The following SYNE1 variants were observed in gnomAD, a reference collection of about 807,000 sequenced individuals.
SYNE1 encodes spectrin repeat containing nuclear envelope protein 1, also known as nesprin-1.
A neutral mutation model predicts 1,111.0 loss-of-function variants in SYNE1; 616 were observed. The ratio of observed to expected loss-of-function variants is 0.55; its 90% CI spans 0.52 to 0.59. SYNE1 has a LOEUF of 0.59. Ranked by LOEUF, SYNE1 falls within the 20% of genes least tolerant of loss-of-function variation. The pLI, the probability that SYNE1 is intolerant of heterozygous loss-of-function variation, is 0.00. For missense variants in SYNE1, 10,006 were observed against 10,417.0 expected (o/e 0.96, Z 1.72); for synonymous variants, 3,855 against 3,825.8 (o/e 1.01, Z -0.28).
At chr6:152,223,724 T>G (rs2080801712) in intron 117 of SYNE1, among the ~76,000 whole-genome samples, 1 of 152,098 alleles carries the variant, frequency 6.6e-6, no homozygotes, top group Admixed American at 6.5e-5. Flanking sequence ...AAGCTTTGAT[T>G]GGCTGGCCAG....
chr6:152,554,611 C>T (rs188555332), intron 3 of SYNE1, among the ~76,000 whole-genome samples: 44 of 152,270 alleles, frequency 2.9e-4, no homozygotes, highest in African/African-American at 1.0e-3. Flanking sequence ...ACCAACCAAA[C>T]TTGGTTGTAT....
At chr6:152,135,027 A>G in intron 142 of SYNE1, 77 bp downstream of exon 142, 4 of 1,595,194 alleles carry the variant, frequency 2.5e-6, no homozygotes, top group Non-Finnish European at 3.4e-6. Flanking sequence ...AACACTTACC[A>G]CTTATATTCA....
intron 3 of SYNE1, among the ~76,000 whole-genome samples, chr6:152,542,123 G>T (rs541616195): frequency 1.7e-3 from 256 of 152,266 alleles, no homozygotes; most frequent in African/African-American, 5.8e-3. Flanking sequence ...CTCGCCCTTT[G>T]AGGGATGATA....
chr6:152,451,296 A>C, intron 25 of SYNE1, 91 bp from the exon 26 acceptor site: 1 of 1,338,482 alleles, frequency 7.5e-7, no homozygotes, highest in Non-Finnish European at 1.1e-6. Flanking sequence ...AACAAAAACC[A>C]TAACATATTC....
intron 55 of SYNE1, among the ~76,000 whole-genome samples, chr6:152,382,245 C>T (rs977048002): frequency 2.6e-5 from 4 of 151,748 alleles, no homozygotes; most frequent in Admixed American, 2.6e-4. Flanking sequence ...AATATTATTA[C>T]AAAATTATGA....
intron 117 of SYNE1, among the ~76,000 whole-genome samples, chr6:152,223,489 A>ACATG (rs1024810610): frequency 6.6e-6 from 1 of 152,106 alleles, no homozygotes; most frequent in African/African-American, 2.4e-5. Context: ...GCATGGAGGC[A>ACATG]CATGCCGTAA....
chr6:152,378,419 C>A (rs2097334756), intron 56 of SYNE1, among the ~76,000 whole-genome samples: 1 of 152,200 alleles, frequency 6.6e-6, no homozygotes, highest in African/African-American at 2.4e-5. Flanking sequence ...GATTAAGCAT[C>A]ATCCGGGCCT....
At position 152,249,222 on chromosome 6, in the gene SYNE1, T is replaced by C. The variant is rs770470447; in HGVS notation, c.19511A>G (p.Lys6504Arg). ...TGCCAGTTTTTGCAGAATGATGTATTTGTTGTCAGCCAGTGATGTAAACAG... is the reference window on the plus strand; with the variant it reads ...TGCCAGTTTTTGCAGAATGATGTATCTGTTGTCAGCCAGTGATGTAAACAG... ...KVLFTSLADNKYIILQKLANV... is the reference protein window; with the variant it reads ...KVLFTSLADNRYIILQKLANV... The change falls in exon 105 of 146, where the codon AAA (lysine) becomes AGA (arginine). Residue 6504 changes from lysine (K) to arginine (R), a missense_variant. Around this residue, in one of 7 missense-constraint regions of SYNE1, gnomAD observed 2,182 missense variants for 2,287.8 expected, o/e 0.95. Transcript: ENST00000367255. 2 of 1,614,120 alleles carry C rather than the reference T, an allele frequency of 1.2e-6. No individual in the cohort carries two copies. The highest frequency in any genetic ancestry group is 2.2e-5 in the South Asian group (2 of 91,086).
At chr6:152,625,024 C>T (rs2099683087) in intron 3 of SYNE1, among the ~76,000 whole-genome samples, 1 of 152,130 alleles carries the variant, frequency 6.6e-6, no homozygotes, top group African/African-American at 2.4e-5. Flanking sequence ...ACATTAGTTA[C>T]TCATTATACA....
chr6:152,195,917 G>A (rs962941074), intron 127 of SYNE1, among the ~76,000 whole-genome samples: 2 of 152,136 alleles, frequency 1.3e-5, no homozygotes, highest in Admixed American at 6.5e-5. Context: ...AGATGCCAGG[G>A]CTTGGAGTTG....
chr6:152,275,743 A>AT (rs111798622), intron 98 of SYNE1, among the ~76,000 whole-genome samples: 63,572 of 151,100 alleles, frequency 0.42, 14,435 homozygotes, highest in East Asian at 0.63. Flanking sequence ...TTAGCTAGGC[A>AT]GGTGGTGCGC....
intron 137 of SYNE1, 186 bp from the exon 138 acceptor site, chr6:152,143,951 T>C: frequency 1.3e-6 from 1 of 789,022 alleles, no homozygotes; most frequent in Non-Finnish European, 2.0e-6. Flanking sequence ...GCCAAACCAA[T>C]GAAGGTGCTT....
At chr6:152,485,216 G>A (rs999168983) in intron 12 of SYNE1, among the ~76,000 whole-genome samples, 1 of 152,150 alleles carries the variant, frequency 6.6e-6, no homozygotes, top group African/African-American at 2.4e-5. Flanking sequence ...CCCTACACAT[G>A]CATTATTATT....
In SYNE1 at chr6:152,336,978, C is replaced by A. The variant is rs139139296; in HGVS notation, c.12391G>T (p.Gly4131Cys). 113 of 1,614,038 alleles carry A rather than the reference C, an allele frequency of 7.0e-5. No homozygotes were observed. In the African/African-American group the frequency reaches 1.2e-3, roughly 17 times the overall value. Residue 4131 changes from glycine to cysteine, a missense_variant, in exon 76 of 146, where the codon GGC becomes TGC. Gly to Cys is a radical substitution (Grantham distance 159, BLOSUM62 -3). Coordinates refer to ENST00000367255, the MANE Select transcript of SYNE1 (RefSeq NM_182961.4). Reference protein sequence around the residue: ...KLVQAQNLTQGWEEIKHLKSE... With the variant: ...KLVQAQNLTQCWEEIKHLKSE... The stretch of plus-strand genomic sequence containing the variant: ...TTCAGGTGCTTGATCTCTTCCCAGC[C>A]CTGAGTTAAGTTCTGGGCCTGGACA...
chr6:152,143,971 C>A, intron 137 of SYNE1: 1 of 677,272 alleles, frequency 1.5e-6, no homozygotes, highest in Non-Finnish European at 2.5e-6. Context: ...TGACTGAGAG[C>A]CCTAGCAGAT....
At chr6:152,470,004 G>A (rs547560955) in intron 16 of SYNE1, among the ~76,000 whole-genome samples, 2 of 152,250 alleles carry the variant, frequency 1.3e-5, no homozygotes, top group African/African-American at 4.8e-5. Flanking sequence ...AAAGAAACAC[G>A]AGTGATAAGT....
chr6:152,549,346 T>C lies in SYNE1; in HGVS notation c.68-9325A>G, dbSNP rs1369026986. Among the ~76,000 whole-genome samples the C allele has an allele frequency of 3.9e-5, 6 of 152,200 alleles. No homozygotes were observed. The East Asian group carries it at 1.2e-3, about 29-fold the overall frequency. ...AACTGAACTAACCAGCAAATCCACA[T>C]ACTGTGAGAAAGCATGAATTCTGAT... On this transcript the variant is annotated intron_variant, in intron 3 of 145. Coordinates refer to ENST00000367255, the MANE Select transcript of SYNE1 (RefSeq NM_182961.4).
At chr6:152,264,890 G>A (rs2092516190) in intron 100 of SYNE1, among the ~76,000 whole-genome samples, 1 of 151,954 alleles carries the variant, frequency 6.6e-6, no homozygotes, top group South Asian at 2.1e-4. Context: ...AGACATGTAG[G>A]AAGTTAATTT....
intron 34 of SYNE1, 114 bp downstream of exon 34, chr6:152,433,681 A>G: frequency 8.2e-7 from 1 of 1,221,960 alleles, no homozygotes; most frequent in African/African-American, 1.5e-5. Context: ...TAATTTTAAT[A>G]GTCACATTGC....
Sources: allele counts gnomAD v4.1 joint callset (sites outside exome capture counted in the v4.1 genomes callset), GRCh38; gene constraint gnomAD v4.1.1; regional missense constraint gnomAD v4.1.1; transcripts MANE v1.5; gene names NCBI Gene and HGNC (gene_info 2026-07-23, HGNC 2026-07-21).